Variants in CNKSR3 observed in about 807,000 individuals in gnomAD.
CNKSR3 encodes CNKSR family member 3, also known as connector enhancer of kinase suppressor of ras 3.
In CNKSR3, 36 loss-of-function variants were observed where a neutral mutation model predicts 67.7. The observed-to-expected ratio is 0.53, with a 90% CI of 0.41 to 0.70. The LOEUF is 0.70. CNKSR3 is among the 30% of genes least tolerant of loss of function. CNKSR3 has a pLI of 0.00. For missense variants in CNKSR3, 630 were observed against 695.2 expected (o/e 0.91, Z 1.05); for synonymous variants, 281 against 271.4 (o/e 1.04, Z -0.35).
At chr6:154,464,281 T>C (rs1188659630) in intron 1 of CNKSR3, among the ~76,000 whole-genome samples, 1 of 152,138 alleles carries the variant, frequency 6.6e-6, no homozygotes, top group East Asian at 1.9e-4. Context: ...GGGACAGCAG[T>C]GTCCCCTCTG....
chr6:154,425,105 AT>A (rs1166647826), intron 7 of CNKSR3, among the ~76,000 whole-genome samples: 1 of 152,180 alleles, frequency 6.6e-6, no homozygotes. Context: ...TAAAAAATGA[AT>A]TTATCTATGC....
At chr6:154,494,519 G>A (rs1320301826) in intron 1 of CNKSR3, among the ~76,000 whole-genome samples, 1 of 152,130 alleles carries the variant, frequency 6.6e-6, no homozygotes, top group South Asian at 2.1e-4. Flanking sequence ...AACAGAACAC[G>A]GAGAAAGGTA....
At position 154,446,983 on chromosome 6, in the gene CNKSR3, T is replaced by C. The variant is rs375861338; in HGVS notation, c.216+3112A>G. 8.6e-5 allele frequency among the ~76,000 whole-genome samples: 13 copies of C among 152,014 alleles called. No homozygotes were observed. In the East Asian group the frequency reaches 2.5e-3, roughly 29 times the overall value. On this transcript the variant is annotated intron_variant, in intron 2 of 12. Transcript: ENST00000607772. ...CCACACCCAGCTAATTTTTTGTATT[T>C]TTAGTAAAGACAGTGTTTCACCATG...
chr6:154,501,315 T>G (rs1401297767), intron 1 of CNKSR3, among the ~76,000 whole-genome samples: 1 of 152,162 alleles, frequency 6.6e-6, no homozygotes, highest in Non-Finnish European at 1.5e-5. Flanking sequence ...TCAAAAACCC[T>G]GACTGATCTT....
At position 154,503,676 on chromosome 6, in the gene CNKSR3, A is replaced by T. The variant is rs112813426; in HGVS notation, c.52+6387T>A. 5.7e-4 allele frequency among the ~76,000 whole-genome samples: 86 copies of T among 151,918 alleles called. 1 individual carries two copies. Among genetic ancestry groups the T allele is most frequent in the Middle Eastern group, 3.4e-3 (1 of 294 alleles). On this transcript the variant is annotated intron_variant, in intron 1 of 12. Transcript: ENST00000607772. ...AAAAGGCTGTTATAAGAACTCTTCA[A>T]GGAATAAGGAAGAAATCTCAAGGGA...
chr6:154,433,724 A>G, intron 4 of CNKSR3: 1 of 459,100 alleles, frequency 2.2e-6, no homozygotes, highest in East Asian at 3.4e-5. Flanking sequence ...CCCCTGACCT[A>G]AGGAGTTCTC....
At chr6:154,505,948 T>G (rs1787094107) in intron 1 of CNKSR3, among the ~76,000 whole-genome samples, 1 of 152,190 alleles carries the variant, frequency 6.6e-6, no homozygotes, top group Non-Finnish European at 1.5e-5. Flanking sequence ...TTGTGGTAGC[T>G]GCATTTGACA....
rs1003307996 is a variant in CNKSR3, at chr6:154,405,406, T to A, written c.*948A>T. 2 of 152,646 alleles carry A rather than the reference T, an allele frequency of 1.3e-5. No homozygotes were observed. The highest frequency in any genetic ancestry group is 2.9e-5 in the Non-Finnish European group (2 of 68,044). The allele number at this position is 152,646 out of a possible 1,614,324, so 9.5% of individuals were successfully genotyped here. ...CATTCAGTTTAAACAAGAGTTAATA[T>A]CCAGACACACGTTTTCAAAATACCT... On this transcript the variant is annotated 3_prime_UTR_variant, in exon 13 of 13. Transcript: ENST00000607772.
intron 1 of CNKSR3, among the ~76,000 whole-genome samples, chr6:154,506,960 G>A (rs544962511): frequency 1.3e-5 from 2 of 152,294 alleles, no homozygotes; most frequent in East Asian, 3.9e-4. Context: ...GTGGCCTTGG[G>A]AAGAAACTCC....
chr6:154,453,513 T>C (rs1297988698), intron 1 of CNKSR3, among the ~76,000 whole-genome samples: 3 of 152,144 alleles, frequency 2.0e-5, no homozygotes, highest in African/African-American at 7.2e-5. Context: ...AGATGTAGAA[T>C]TATCAAGCAG....
At chr6:154,488,486 T>C (rs1361256417) in intron 1 of CNKSR3, among the ~76,000 whole-genome samples, 1 of 152,192 alleles carries the variant, frequency 6.6e-6, no homozygotes, top group African/African-American at 2.4e-5. Flanking sequence ...GACTGGAACA[T>C]TACATATCAA....
intron 1 of CNKSR3, among the ~76,000 whole-genome samples, chr6:154,475,417 T>C (rs1786424666): frequency 1.3e-5 from 2 of 152,152 alleles, no homozygotes; most frequent in Admixed American, 1.3e-4. Flanking sequence ...CATGAAGTTT[T>C]CACGCCCCCT....
intron 1 of CNKSR3, among the ~76,000 whole-genome samples, chr6:154,455,183 G>A (rs1293693105): frequency 1.3e-5 from 2 of 151,852 alleles, no homozygotes; most frequent in African/African-American, 4.8e-5. Context: ...GCCAGGCGTG[G>A]TGGCAGGCAC....
rs3734276 is a variant in CNKSR3, at chr6:154,401,467, G to T, written c.*4887C>A. On this transcript the variant is annotated 3_prime_UTR_variant, in exon 13 of 13. Transcript: ENST00000607772. The stretch of plus-strand genomic sequence containing the variant: ...TCTTGGACTTCCCAGCCTCCAGAAC[G>T]GTGAGAAATTTCTGTCATTTAAGCT... 6.5e-6 allele frequency: 1 copy of T among 152,940 alleles called. No individual in the cohort carries two copies. Among genetic ancestry groups the T allele is most frequent in the Admixed American group, 6.5e-5 (1 of 15,280 alleles). 9.5% of individuals were successfully genotyped at this position (152,940 alleles called of 1,614,324 possible). A position where few individuals can be genotyped will look rare whatever the true frequency, so the allele number is the denominator to read the frequency against.
At position 154,454,104 on chromosome 6, in the gene CNKSR3, C is replaced by CAGAGAGAGAGAGAGAG. The variant is rs71021054; in HGVS notation, c.53-3862_53-3847dup. On this transcript the variant is annotated intron_variant, in intron 1 of 12. Coordinates refer to ENST00000607772, the MANE Select transcript of CNKSR3 (RefSeq NM_173515.4). The stretch of plus-strand genomic sequence containing the variant: ...GAAAACACACACACACACACACACA[C>CAGAGAGAGAGAGAGAG]AGAGAGAGAGAGAGAGAGAGAGAGA... 7.7e-4 allele frequency among the ~76,000 whole-genome samples: 90 copies of CAGAGAGAGAGAGAGAG among 116,332 alleles called. 1 individual carries two copies. Among genetic ancestry groups the CAGAGAGAGAGAGAGAG allele is most frequent in the African/African-American group, 2.8e-3 (81 of 29,144 alleles). 76.3% of individuals were successfully genotyped at this position (116,332 alleles called of 152,430 possible). A position where few individuals can be genotyped will look rare whatever the true frequency, so the allele number is the denominator to read the frequency against.
chr6:154,490,710 C>A (rs1786769076), intron 1 of CNKSR3, among the ~76,000 whole-genome samples: 1 of 150,498 alleles, frequency 6.6e-6, no homozygotes, highest in Non-Finnish European at 1.5e-5. Flanking sequence ...AACAGAGCCA[C>A]CACATCGGCT....
At chr6:154,460,905 T>C (rs1237385610) in intron 1 of CNKSR3, among the ~76,000 whole-genome samples, 2 of 152,132 alleles carry the variant, frequency 1.3e-5, no homozygotes, top group Admixed American at 1.3e-4. Flanking sequence ...AGTGTCAAGT[T>C]GGGCGAGTTC....
At chr6:154,419,526 A>G (rs1785094522) in intron 9 of CNKSR3, among the ~76,000 whole-genome samples, 1 of 152,256 alleles carries the variant, frequency 6.6e-6, no homozygotes, top group Non-Finnish European at 1.5e-5. Flanking sequence ...GTGGAAATGT[A>G]GAAATCCTAG....
At position 154,414,227 on chromosome 6, in the gene CNKSR3, T is replaced by C. The variant is rs1784966493; in HGVS notation, c.1070+72A>G. 2.7e-6 allele frequency: 4 copies of C among 1,480,850 alleles called. No homozygotes were observed. In the Admixed American group the frequency reaches 9.8e-5, roughly 36 times the overall value. The allele number at this position is 1,480,850 out of a possible 1,614,324, so 91.7% of individuals were successfully genotyped here. On this transcript the variant is annotated intron_variant, in intron 10 of 12. Coordinates refer to ENST00000607772, the MANE Select transcript of CNKSR3 (RefSeq NM_173515.4). ...TCAGCAACTTCCTCTCTCAAGATCCTCTTTTCACACCACCATTTACAAATG... is the reference window on the plus strand; with the variant it reads ...TCAGCAACTTCCTCTCTCAAGATCCCCTTTTCACACCACCATTTACAAATG...
Sources: gnomAD v4.1 joint callset for allele counts (sites outside exome capture counted in the v4.1 genomes callset) on GRCh38, gnomAD v4.1.1 for gene constraint, MANE v1.5 for transcripts, NCBI Gene and HGNC (gene_info 2026-07-23, HGNC 2026-07-21) for gene names.